Variants in CFAP58 observed in about 807,000 individuals in gnomAD.
CFAP58 encodes the protein cilia- and flagella-associated protein 58.
Under a neutral mutation model 119.5 loss-of-function variants are expected in CFAP58, and 88 were observed. The observed-to-expected ratio is 0.74, with a 90% CI of 0.62 to 0.88. The LOEUF (loss-of-function observed/expected upper bound fraction) is 0.88. CFAP58 is among the 40% of genes least tolerant of loss of function. The pLI, the probability that CFAP58 is intolerant of heterozygous loss-of-function variation, is 0.00. For missense variants in CFAP58, 990 were observed against 1,021.2 expected, an observed-to-expected ratio of 0.97 and a Z score of 0.42; for synonymous variants, 365 against 366.3, an observed-to-expected ratio of 1.00 and a Z score of 0.04.
At chr10:104,365,599 G>A in intron 4 of CFAP58, among the ~76,000 whole-genome samples, 1 of 152,060 alleles carries the variant, frequency 6.6e-6, no homozygotes. Flanking sequence ...CACCATCAGG[G>A]TAGTCATTTG....
chr10:104,349,629 G>A (rs1196808375), upstream of CFAP58, among the ~76,000 whole-genome samples: 1 of 152,158 alleles, frequency 6.6e-6, no homozygotes, highest in Non-Finnish European at 1.5e-5. Flanking sequence ...GTGGAGACAG[G>A]GGTGAAGAAG....
At chr10:104,441,741 T>C (rs2013039761) in intron 15 of CFAP58, among the ~76,000 whole-genome samples, 1 of 152,174 alleles carries the variant, frequency 6.6e-6, no homozygotes, top group Non-Finnish European at 1.5e-5. Context: ...CAAGAACCAC[T>C]GTGTAACCGA....
intron 15 of CFAP58, among the ~76,000 whole-genome samples, chr10:104,411,380 TTA>T (rs2012457624): frequency 1.3e-5 from 2 of 152,212 alleles, no homozygotes; most frequent in South Asian, 4.1e-4. Flanking sequence ...CATCCTTCCT[TTA>T]TGTCCCCAAT....
intron 15 of CFAP58, among the ~76,000 whole-genome samples, chr10:104,442,503 T>G (rs530719588): frequency 8.2e-4 from 124 of 151,338 alleles, no homozygotes; most frequent in African/African-American, 2.9e-3. Flanking sequence ...CAGGATAATC[T>G]CTTGAACCCG....
At chr10:104,428,205 T>A (rs1168030284) in intron 15 of CFAP58, among the ~76,000 whole-genome samples, 1 of 152,124 alleles carries the variant, frequency 6.6e-6, no homozygotes, top group Non-Finnish European at 1.5e-5. Context: ...AGGTCATCAC[T>A]GTCAGCATCC....
At chr10:104,350,840 G>A (rs183740344), upstream of CFAP58, among the ~76,000 whole-genome samples, 4 of 152,254 alleles carry the variant, frequency 2.6e-5, no homozygotes, top group East Asian at 1.9e-4. Context: ...CATGCAGTAC[G>A]TTCCTTAAAA....
intron 4 of CFAP58, among the ~76,000 whole-genome samples, chr10:104,365,313 T>C (rs1477300840): frequency 6.6e-6 from 1 of 152,150 alleles, no homozygotes; most frequent in Non-Finnish European, 1.5e-5. Context: ...TCATACACAA[T>C]GTGCAGTCTC....
At chr10:104,360,891 G>T (rs889531377) in intron 2 of CFAP58, among the ~76,000 whole-genome samples, 2 of 152,130 alleles carry the variant, frequency 1.3e-5, no homozygotes, top group Non-Finnish European at 2.9e-5. Flanking sequence ...GAGCATTTGG[G>T]TTGATTCCAT....
chr10:104,343,424 G>A, the CFAP58 span, among the ~76,000 whole-genome samples: 1 of 152,172 alleles, frequency 6.6e-6, no homozygotes, highest in African/African-American at 2.4e-5. Flanking sequence ...TGTGCCATCT[G>A]CTAGGTATTA....
intron 15 of CFAP58, among the ~76,000 whole-genome samples, chr10:104,439,968 C>T (rs1322370873): frequency 1.3e-5 from 2 of 152,112 alleles, no homozygotes; most frequent in Non-Finnish European, 2.9e-5. Context: ...TACAGGCGCC[C>T]GCCACCAGGC....
At chr10:104,358,268 A>G (rs2014620875) in intron 1 of CFAP58, 73 bp from the exon 2 acceptor site, 1 of 1,454,706 alleles carries the variant, frequency 6.9e-7, no homozygotes, top group Non-Finnish European at 9.3e-7. Flanking sequence ...TTCAGAGGTA[A>G]TAGCAGTAAT....
intron 1 of CFAP58, among the ~76,000 whole-genome samples, chr10:104,358,008 C>CACATATATGTACATATATAT (rs2014609338): frequency 7.7e-6 from 1 of 130,556 alleles, no homozygotes; most frequent in South Asian, 2.3e-4. Context: ...CACATATATA[C>CACATATATGTACATATATAT]ACATATATGT....
At chr10:104,397,073 G>A (rs1389192772) in intron 11 of CFAP58, among the ~76,000 whole-genome samples, 1 of 152,116 alleles carries the variant, frequency 6.6e-6, no homozygotes. Flanking sequence ...AATATAACAG[G>A]GGTTTCATTT....
chr10:104,423,090 G>A (rs1276357811), intron 15 of CFAP58, among the ~76,000 whole-genome samples: 1 of 152,076 alleles, frequency 6.6e-6, no homozygotes, highest in Non-Finnish European at 1.5e-5. Context: ...TTGCTGACAT[G>A]TTTTTCTTTC....
intron 9 of CFAP58, among the ~76,000 whole-genome samples, chr10:104,381,382 A>G (rs574154508): frequency 6.6e-6 from 1 of 152,196 alleles, no homozygotes; most frequent in South Asian, 2.1e-4. Context: ...ACTCTCTTTA[A>G]TGCATTCATA....
intron 17 of CFAP58, 100 bp from the exon 18 acceptor site, chr10:104,454,322 C>A: frequency 1.1e-6 from 1 of 892,430 alleles, no homozygotes; most frequent in Non-Finnish European, 1.8e-6. Context: ...AAGCTGTAAT[C>A]AAAGTAGTTT....
chr10:104,376,779 T>C, intron 7 of CFAP58, 32 bp from the exon 8 acceptor site: 1 of 1,563,734 alleles, frequency 6.4e-7, no homozygotes, highest in African/African-American at 1.4e-5. Flanking sequence ...CGACTCTACG[T>C]TTATTATTAT....
At position 104,354,923 on chromosome 10, in the gene CFAP58, C is replaced by T. The variant is rs142486679; in HGVS notation, c.9+1017C>T. Among the ~76,000 whole-genome samples the T allele has an allele frequency of 1.4e-4, 22 of 152,110 alleles. No homozygotes were observed. In the East Asian group the frequency reaches 4.3e-3, roughly 29 times the overall value. On this transcript the variant is annotated intron_variant, in intron 1 of 17. Coordinates refer to ENST00000369704, the MANE Select transcript of CFAP58 (RefSeq NM_001008723.2). ...CCCCCTCCCCACCCCATTCTAGTTA[C>T]TCTCTTGCTTCCTCTGCACCATTCA...
At chr10:104,453,761 A>AGTGTGTGTGTGTGTGTGTGTGTGT (rs56666132) in intron 17 of CFAP58, among the ~76,000 whole-genome samples, 2 of 138,844 alleles carry the variant, frequency 1.4e-5, no homozygotes, top group African/African-American at 5.4e-5. Flanking sequence ...CATGAATATG[A>AGTGTGTGTGTGTGTGTGTGTGTGT]GTGTGTGTGT....
Sources: allele counts gnomAD v4.1 joint callset (sites outside exome capture counted in the v4.1 genomes callset), GRCh38; gene constraint gnomAD v4.1.1; transcripts MANE v1.5; gene names NCBI Gene and HGNC (gene_info 2026-07-23, HGNC 2026-07-21).